Variants in NCOR1 observed in about 807,000 individuals in gnomAD.
NCOR1 encodes nuclear receptor corepressor 1, also known as protein phosphatase 1, regulatory subunit 109.
In NCOR1, 63 loss-of-function variants were observed where a neutral mutation model predicts 288.1. That is an observed-to-expected ratio of 0.22 (90% CI 0.18 to 0.27). The LOEUF (loss-of-function observed/expected upper bound fraction) is 0.27, where lower values mean the gene tolerates loss of function less well. Ranked by LOEUF, NCOR1 falls within the 10% of genes least tolerant of loss-of-function variation. The pLI is 1.00. For synonymous variants in NCOR1, 1,007 were observed against 1,065.9 expected (o/e 0.94, Z 1.08); for missense variants, 2,397 against 3,019.2 (o/e 0.79, Z 4.83).
chr17:16,106,748 A>G lies in NCOR1; in HGVS notation c.2182+2038T>C, dbSNP rs751566336. ...ACTTTCCAAATGAAGCTAAGTCAAC[A>G]GGAAGAGAGAGCCTACAATTCTACT... On this transcript the variant is annotated intron_variant, in intron 19 of 45. Transcript: ENST00000268712. Among the ~76,000 whole-genome samples the G allele has an allele frequency of 8.9e-4, 134 of 151,212 alleles. 1 individual carries two copies. The highest frequency in any genetic ancestry group is 3.7e-4 in the Non-Finnish European group (25 of 67,868).
intron 21 of NCOR1, 42 bp downstream of exon 21, chr17:16,098,323 TCA>T (rs749308649): frequency 1.3e-6 from 2 of 1,591,872 alleles, no homozygotes; most frequent in East Asian, 4.5e-5. Flanking sequence ...TATAAAGGTC[TCA>T]GTTTTTCATA....
intron 4 of NCOR1, among the ~76,000 whole-genome samples, chr17:16,166,439 G>C (rs2082010281): frequency 6.6e-6 from 1 of 152,084 alleles, no homozygotes; most frequent in South Asian, 2.1e-4. Context: ...CCAGTACTTT[G>C]GGATGCTGAC....
chr17:16,153,709 A>G (rs2079226374), intron 6 of NCOR1, among the ~76,000 whole-genome samples: 2 of 152,200 alleles, frequency 1.3e-5, no homozygotes, highest in Non-Finnish European at 2.9e-5. Context: ...AAACAATTAT[A>G]TTAAAAAACT....
At chr17:16,048,642 T>C (rs1224308889) in intron 41 of NCOR1, among the ~76,000 whole-genome samples, 1 of 152,174 alleles carries the variant, frequency 6.6e-6, no homozygotes, top group Non-Finnish European at 1.5e-5. Context: ...TTCTAACCTA[T>C]TTAAATATGA....
intron 3 of NCOR1, among the ~76,000 whole-genome samples, chr17:16,174,118 AC>A (rs1220523939): frequency 6.6e-6 from 1 of 152,260 alleles, no homozygotes; most frequent in African/African-American, 2.4e-5. Context: ...AAATGACAAT[AC>A]TACACAAAGC....
chr17:16,175,834 T>TA (rs66939235), intron 3 of NCOR1, among the ~76,000 whole-genome samples: 1,817 of 144,836 alleles, frequency 0.013, 33 homozygotes, highest in African/African-American at 0.041. Flanking sequence ...TTGTCTCTTT[T>TA]AAAAAAAAAA....
At chr17:16,045,500 T>G (rs1320081363) in intron 42 of NCOR1, among the ~76,000 whole-genome samples, 1 of 152,164 alleles carries the variant, frequency 6.6e-6, no homozygotes, top group Non-Finnish European at 1.5e-5. Context: ...GATTTTATAT[T>G]TTTATTTTAT....
intron 6 of NCOR1, among the ~76,000 whole-genome samples, chr17:16,156,290 G>C (rs555641932): frequency 1.1e-3 from 162 of 152,108 alleles, no homozygotes; most frequent in Non-Finnish European, 1.9e-3. Flanking sequence ...ACAAAAATTA[G>C]CTGACTGTGG....
chr17:16,048,859 C>T lies in NCOR1; in HGVS notation c.6522G>A (p.Glu2174=), dbSNP rs1313528088. 2.5e-6 allele frequency: 4 copies of T among 1,612,802 alleles called. No homozygotes were observed. In the East Asian group the frequency reaches 6.7e-5, roughly 27 times the overall value. The stretch of plus-strand genomic sequence containing the variant: ...AGCACACTTACCTCTGCTCTGCAGG[C>T]TCTGCGCCCCTCTGAGACAAGAGCA... ...SLLLLSQRGA[E]PAEQRNDARS... is the part of the protein sequence containing the mutation. Residue 2174 remains glutamate (E), a synonymous_variant, in exon 41 of 46, where the codon GAG becomes GAA. Transcript: ENST00000268712.
intron 21 of NCOR1, among the ~76,000 whole-genome samples, chr17:16,098,102 G>C (rs1435142315): frequency 2.0e-5 from 3 of 152,222 alleles, no homozygotes. Flanking sequence ...GTGGCAAGCG[G>C]CAGGAGGAAG....
At position 16,058,069 on chromosome 17, in the gene NCOR1, G is replaced by C; in HGVS notation, c.6011-5C>G. 2 of 1,613,798 alleles carry C rather than the reference G, an allele frequency of 1.2e-6. No individual in the cohort carries two copies. The highest frequency in any genetic ancestry group is 1.7e-6 in the Non-Finnish European group (2 of 1,179,800). On this transcript the variant is annotated splice_region_variant and splice_polypyrimidine_tract_variant and intron_variant, in intron 38 of 45. Coordinates refer to ENST00000268712, the MANE Select transcript of NCOR1 (RefSeq NM_006311.4). The stretch of plus-strand genomic sequence containing the variant: ...CATATTGTCTGGTAGGATCATCTAG[G>C]AGAGAACACATAGATGTCTTACTCC...
In NCOR1 at chr17:16,048,144, G is replaced by A. The variant is rs567450562; in HGVS notation, c.6536+701C>T. On this transcript the variant is annotated intron_variant, in intron 41 of 45. Transcript: ENST00000268712. Reference sequence around the variant, plus strand: ...CAGTACGACCATGAGCAAGTGACATGTCTGGCTTTCAGCGCATCAGTGGAG... The same window carrying A: ...CAGTACGACCATGAGCAAGTGACATATCTGGCTTTCAGCGCATCAGTGGAG... 5.9e-5 allele frequency among the ~76,000 whole-genome samples: 9 copies of A among 152,344 alleles called. No homozygotes were observed. In the South Asian group the frequency reaches 1.7e-3, roughly 28 times the overall value.
At chr17:16,154,015 CTTTTTTTT>C (rs61436082) in intron 6 of NCOR1, among the ~76,000 whole-genome samples, 1,774 of 109,704 alleles carry the variant, frequency 0.016, 19 homozygotes, top group Non-Finnish European at 0.022. Flanking sequence ...ATGCTATTTC[CTTTTTTTT>C]TTTTTTTTTT....
intron 17 of NCOR1, among the ~76,000 whole-genome samples, 179 bp downstream of exon 17, chr17:16,119,244 G>C (rs2072459234): frequency 6.6e-6 from 1 of 151,998 alleles, no homozygotes; most frequent in Admixed American, 6.6e-5. Flanking sequence ...AGGCACACTG[G>C]GGGTACTTTA....
chr17:16,116,988 A>T (rs779436490), intron 18 of NCOR1, among the ~76,000 whole-genome samples: 4 of 152,188 alleles, frequency 2.6e-5, no homozygotes, highest in Non-Finnish European at 4.4e-5. Flanking sequence ...AAAAAAAGTA[A>T]ATAACATTTG....
intron 6 of NCOR1, among the ~76,000 whole-genome samples, chr17:16,157,214 A>T (rs755419111): frequency 6.6e-6 from 1 of 152,116 alleles, no homozygotes; most frequent in Non-Finnish European, 1.5e-5. Flanking sequence ...TATATCCTGG[A>T]ACACAGCCCC....
chr17:16,084,536 CACTGAAG>C lies in NCOR1; in HGVS notation c.3177+1739_3177+1745del, dbSNP rs879696400. Among the ~76,000 whole-genome samples, 318 of 152,162 alleles carry C rather than the reference CACTGAAG, an allele frequency of 2.1e-3. 1 individual carries two copies. The highest frequency in any genetic ancestry group is 3.8e-3 in the Non-Finnish European group (260 of 67,982). ...TCAAAACAATCTTGAAAAACAAAAA[CACTGAAG>C]ACTTATACTACATGATTTCAGGACT... is the stretch of plus-strand genomic sequence containing the variant. On this transcript the variant is annotated intron_variant, in intron 23 of 45. Transcript: ENST00000268712.
chr17:16,100,260 A>AAT (rs898186514), intron 20 of NCOR1, among the ~76,000 whole-genome samples: 49 of 152,330 alleles, frequency 3.2e-4, no homozygotes, highest in African/African-American at 1.1e-3. Context: ...GTACCTGTAA[A>AAT]ATATATATCT....
intron 3 of NCOR1, among the ~76,000 whole-genome samples, chr17:16,173,836 C>T (rs746233281): frequency 4.0e-5 from 6 of 151,870 alleles, no homozygotes; most frequent in Non-Finnish European, 5.9e-5. Flanking sequence ...GAGGCTGAGG[C>T]GGAAGAATCG....
Sources: allele counts gnomAD v4.1 joint callset (sites outside exome capture counted in the v4.1 genomes callset), GRCh38; gene constraint gnomAD v4.1.1; transcripts MANE v1.5; gene names NCBI Gene and HGNC (gene_info 2026-07-23, HGNC 2026-07-21).